Variants in FMO5 observed in about 807,000 individuals in gnomAD.
FMO5 encodes the protein flavin-containing monooxygenase 5.
In FMO5, 51 loss-of-function variants were observed where a neutral mutation model predicts 43.6. The observed-to-expected ratio is 1.17, with a 90% confidence interval of 0.93 to 1.48. The LOEUF is 1.48. Among genes scored for constraint, FMO5 ranks in the 40% most tolerant of loss-of-function variants. FMO5 has a pLI of 0.00. For missense variants in FMO5, 644 were observed against 643.0 expected (o/e 1.00, Z -0.02); for synonymous variants, 187 against 216.5 (o/e 0.86, Z 1.20).
rs782278097 is a variant in FMO5, at chr1:147,212,491, T to G, written c.532A>C (p.Lys178Gln). ...KGQYFHSRDY[K>Q]NPEGFTGKRV... ...TTTCCAGTGAATCCCTCTGGGTTCTTATAGTCTCGACTGTGGAAGTACTGC... is the reference window on the plus strand; with the variant it reads ...TTTCCAGTGAATCCCTCTGGGTTCTGATAGTCTCGACTGTGGAAGTACTGC... Residue 178 changes from lysine to glutamine, a missense_variant, in exon 5 of 9, where the codon AAG becomes CAG. By Grantham distance (53) the Lys-to-Gln change is moderately conservative (BLOSUM62 1). Transcript: ENST00000254090. 3 of 1,613,776 alleles carry G rather than the reference T, an allele frequency of 1.9e-6. No individual in the cohort carries two copies. In the South Asian group the frequency reaches 3.3e-5, roughly 18 times the overall value.
At chr1:147,193,881 A>G (rs1342481052) in intron 7 of FMO5, among the ~76,000 whole-genome samples, 1 of 152,074 alleles carries the variant, frequency 6.6e-6, no homozygotes, top group South Asian at 2.1e-4. Flanking sequence ...ACAGTTTGTT[A>G]TAATTTCTGT....
intron 7 of FMO5, among the ~76,000 whole-genome samples, chr1:147,192,072 A>C: frequency 6.6e-6 from 1 of 152,128 alleles, no homozygotes; most frequent in Admixed American, 6.5e-5. Context: ...CTTGATGCGG[A>C]TGGCATTTAA....
chr1:147,193,823 G>GAGTTTTTT (rs1657394757), intron 7 of FMO5, among the ~76,000 whole-genome samples: 1 of 152,122 alleles, frequency 6.6e-6, no homozygotes, highest in Non-Finnish European at 1.5e-5. Flanking sequence ...GGTTTTGAGT[G>GAGTTTTTT]AGTTTTTTAG....
intron 6 of FMO5, among the ~76,000 whole-genome samples, chr1:147,205,428 T>C (rs1342577808): frequency 2.0e-5 from 3 of 152,194 alleles, no homozygotes; most frequent in Non-Finnish European, 4.4e-5. Context: ...ACATGTCCTA[T>C]GTAGTATATG....
chr1:147,187,048 C>T lies in FMO5; in HGVS notation c.1454G>A (p.Arg485Gln), dbSNP rs376858269. Residue 485 changes from arginine (R) to glutamine (Q), a missense_variant, in exon 9 of 9, where the codon CGA (arginine) becomes CAA (glutamine). Physicochemically the swap from Arg to Gln is conservative, Grantham distance 43. Coordinates refer to ENST00000254090, the MANE Select transcript of FMO5 (RefSeq NM_001461.4). ...VQGPGKWDGA[R>Q]KAILTTDDRI... ...ATCATCTGTGGTGAGGATAGCTTTT[C>T]GAGCCCCATCCCACTTTCCAGGGCC... is the stretch of plus-strand genomic sequence containing the variant. The T allele has an allele frequency of 2.9e-4, 462 of 1,614,120 alleles. No individual in the cohort carries two copies. Among genetic ancestry groups the T allele is most frequent in the African/African-American group, 1.9e-3 (145 of 75,006 alleles).
At chr1:147,198,039 T>G (rs1658315575) in intron 7 of FMO5, among the ~76,000 whole-genome samples, 1 of 152,156 alleles carries the variant, frequency 6.6e-6, no homozygotes, top group South Asian at 2.1e-4. Flanking sequence ...TAAAGCAGGT[T>G]GTATCTGTGT....
intron 2 of FMO5, among the ~76,000 whole-genome samples, chr1:147,217,906 G>A (rs1250000941): frequency 6.6e-6 from 1 of 152,134 alleles, no homozygotes; most frequent in African/African-American, 2.4e-5. Flanking sequence ...TTGTACTCAT[G>A]GTTTTCCCCA....
At chr1:147,199,112 G>C (rs1408916940) in intron 7 of FMO5, among the ~76,000 whole-genome samples, 12 of 152,076 alleles carry the variant, frequency 7.9e-5, no homozygotes, top group African/African-American at 2.9e-4. Context: ...CAGTGTTCTA[G>C]AAAAGAGTAG....
chr1:147,219,797 A>C (rs1241679391), intron 2 of FMO5, among the ~76,000 whole-genome samples: 1 of 151,364 alleles, frequency 6.6e-6, no homozygotes, highest in Non-Finnish European at 1.5e-5. Context: ...AAGTGAGTAC[A>C]GCAGGGTTGC....
At chr1:147,204,803 G>A (rs1210880738) in intron 6 of FMO5, 10 of 1,601,096 alleles carry the variant, frequency 6.2e-6, no homozygotes, top group African/African-American at 4.0e-5. Context: ...TATGCTGTAC[G>A]AGTGGTTTGG....
downstream of FMO5, chr1:147,184,592 T>C: frequency 2.6e-6 from 4 of 1,548,994 alleles, no homozygotes; most frequent in Non-Finnish European, 3.5e-6. The surrounding 1 kb of genome is among the most constrained non-coding windows in gnomAD (Gnocchi z 4.4). Flanking sequence ...TAGAATATTC[T>C]TCAACTTGGG....
At chr1:147,204,841 C>T in intron 6 of FMO5, 2 of 1,602,618 alleles carry the variant, frequency 1.2e-6, no homozygotes, top group Non-Finnish European at 8.5e-7. Context: ...TTGTATGTTT[C>T]TATACACAGC....
In FMO5 at chr1:147,209,236, A is replaced by G. The variant is rs587704613; in HGVS notation, c.631-185T>C. The stretch of plus-strand genomic sequence containing the variant: ...AGATCGAGACCATCCTGGCTAACAC[A>G]GTGAAACCCCGTCTCTACTGAAAAA... On this transcript the variant is annotated intron_variant, in intron 5 of 8. Coordinates refer to ENST00000254090, the MANE Select transcript of FMO5 (RefSeq NM_001461.4). Among the ~76,000 whole-genome samples, 310 of 152,136 alleles carry G rather than the reference A, an allele frequency of 2.0e-3. 1 individual carries two copies. The highest frequency in any genetic ancestry group is 6.0e-3 in the African/African-American group (248 of 41,522).
intron 6 of FMO5, among the ~76,000 whole-genome samples, chr1:147,202,645 T>C (rs1659239133): frequency 6.6e-6 from 1 of 152,180 alleles, no homozygotes; most frequent in Admixed American, 6.5e-5. Context: ...GCCTGAATAC[T>C]ATATTAACTC....
chr1:147,198,008 G>A (rs1342012807), intron 7 of FMO5, among the ~76,000 whole-genome samples: 2 of 152,160 alleles, frequency 1.3e-5, no homozygotes, highest in African/African-American at 4.8e-5. Flanking sequence ...GTGGTGGTAG[G>A]CCTTCAGTCT....
Position 147,209,304 on chromosome 1 carries a change from T to A in FMO5, c.631-253A>T, listed in dbSNP as rs782644537. Among the ~76,000 whole-genome samples the A allele has an allele frequency of 6.6e-4, 101 of 151,886 alleles. 1 individual carries two copies. Among genetic ancestry groups the A allele is most frequent in the Non-Finnish European group, 9.3e-4 (63 of 67,936 alleles). On this transcript the variant is annotated intron_variant, in intron 5 of 8. Transcript: ENST00000254090. ...ATACAAAAAATTAGCCAGGCGTGGTTGCAGGTGCCTGTAGTCCCAGCTACT... is the reference window on the plus strand; with the variant it reads ...ATACAAAAAATTAGCCAGGCGTGGTAGCAGGTGCCTGTAGTCCCAGCTACT...
At chr1:147,189,188 C>T (rs1343826128) in intron 8 of FMO5, among the ~76,000 whole-genome samples, 4 of 151,632 alleles carry the variant, frequency 2.6e-5, no homozygotes, top group South Asian at 2.1e-4. Context: ...GCAGGAGAAT[C>T]GCTTGAACCC....
chr1:147,224,948 C>G lies in FMO5; in HGVS notation c.82G>C (p.Glu28Gln). 6.2e-7 allele frequency: 1 copy of G among 1,614,070 alleles called. No individual in the cohort carries two copies. The highest frequency in any genetic ancestry group is 1.3e-5 in the African/African-American group (1 of 75,012). ...TCAGTCCTTTCAAAGCAGACAGGTT[C>G]CAAGCCTTCTTCTACGCAGCACTTG... ...SIKCCVEEGL[E>Q]PVCFERTDDI... is the part of the protein sequence containing the mutation. Residue 28 changes from glutamate to glutamine, a missense_variant, in exon 2 of 9, where the codon GAA becomes CAA. Glu to Gln is a conservative substitution (Grantham distance 29). Transcript: ENST00000254090.
At position 147,225,078 on chromosome 1, in the gene FMO5, A is replaced by G; in HGVS notation, c.-37-12T>C. ...TAGTGTCGCCTGTCCTAAAGAAAGG[A>G]TGACAAAAGACAAAAAGCACACATC... On this transcript the variant is annotated splice_polypyrimidine_tract_variant and intron_variant, in intron 1 of 8. Coordinates refer to ENST00000254090, the MANE Select transcript of FMO5 (RefSeq NM_001461.4). The G allele has an allele frequency of 1.2e-6, 2 of 1,612,576 alleles. No homozygotes were observed. Among genetic ancestry groups the G allele is most frequent in the Non-Finnish European group, 1.7e-6 (2 of 1,179,372 alleles).
Sources: gnomAD v4.1 joint callset for allele counts (sites outside exome capture counted in the v4.1 genomes callset) on GRCh38, gnomAD v4.1.1 for gene constraint, Gnocchi (gnomAD v3.1) non-coding constraint, MANE v1.5 for transcripts, NCBI Gene and HGNC (gene_info 2026-07-23, HGNC 2026-07-21) for gene names.